The following EHBP1 variants were observed in gnomAD, a reference collection of about 807,000 sequenced individuals.
The protein encoded by EHBP1 is EH domain-binding protein 1.
In EHBP1, 55 loss-of-function variants were observed where a neutral mutation model predicts 144.0. That is an observed-to-expected ratio of 0.38 (90% confidence interval 0.31 to 0.48). The LOEUF is 0.48. EHBP1 is among the 20% of genes least tolerant of loss of function. The probability of loss-of-function intolerance (pLI) is 0.98; values close to 1 mark genes in which losing one functional copy is unlikely to be tolerated. For missense variants in EHBP1, 1,200 were observed against 1,364.2 expected, an observed-to-expected ratio of 0.88 and a Z score of 1.90; for synonymous variants, 469 against 472.7, an observed-to-expected ratio of 0.99 and a Z score of 0.10.
intron 10 of EHBP1, among the ~76,000 whole-genome samples, chr2:62,921,019 G>T (rs2055036476): frequency 6.6e-6 from 1 of 152,204 alleles, no homozygotes; most frequent in African/African-American, 2.4e-5. Context: ...TGGATAAACA[G>T]TGTGTAAAGA....
chr2:62,729,315 ATATT>A (rs1479731915), intron 2 of EHBP1, among the ~76,000 whole-genome samples: 2 of 130,138 alleles, frequency 1.5e-5, no homozygotes, highest in African/African-American at 5.8e-5. Flanking sequence ...ATATAATATA[ATATT>A]TATAATATAA....
chr2:62,973,673 C>A (rs986181654), intron 14 of EHBP1, among the ~76,000 whole-genome samples: 1 of 152,188 alleles, frequency 6.6e-6, no homozygotes, highest in East Asian at 1.9e-4. Context: ...CCTGTAATTT[C>A]TTTTATTCCT....
rs2058425606 is a variant in EHBP1, at chr2:62,970,048, G to T, written c.2461-9140G>T. 2.0e-5 allele frequency among the ~76,000 whole-genome samples: 3 copies of T among 150,906 alleles called. No individual in the cohort carries two copies. The South Asian group carries it at 6.3e-4, about 32-fold the overall frequency. ...ATTCTATCTTTCATAGTAAGTGAGTGGGCACACTTTGGTAATCCTTGCCTC... is the reference window on the plus strand; with the variant it reads ...ATTCTATCTTTCATAGTAAGTGAGTTGGCACACTTTGGTAATCCTTGCCTC... On this transcript the variant is annotated intron_variant, in intron 14 of 22. Coordinates refer to ENST00000431489, the MANE Select transcript of EHBP1 (RefSeq NM_001142616.3).
intron 10 of EHBP1, among the ~76,000 whole-genome samples, chr2:62,900,703 T>TATATATATATATATATATA (rs1558881616): frequency 2.7e-5 from 4 of 150,554 alleles, no homozygotes; most frequent in African/African-American, 7.4e-5. Context: ...TATATATATA[T>TATATATATATATATATATA]TTTCTTTCTC....
intron 19 of EHBP1, among the ~76,000 whole-genome samples, chr2:63,029,605 TACA>T (rs2061143143): frequency 6.6e-6 from 1 of 152,076 alleles, no homozygotes; most frequent in African/African-American, 2.4e-5. Context: ...TCTCAATTCT[TACA>T]ACAATCGTGA....
intron 2 of EHBP1, among the ~76,000 whole-genome samples, chr2:62,724,478 G>A (rs2036548796): frequency 6.6e-6 from 1 of 152,202 alleles, no homozygotes; most frequent in Non-Finnish European, 1.5e-5. Flanking sequence ...TGTCACTTCA[G>A]CCATCTCGGC....
At chr2:62,981,367 A>T (rs542450409) in intron 15 of EHBP1, among the ~76,000 whole-genome samples, 1 of 152,298 alleles carries the variant, frequency 6.6e-6, no homozygotes, top group Non-Finnish European at 1.5e-5. Flanking sequence ...TATGCTCCAG[A>T]TAGGCTTCCT....
intron 14 of EHBP1, among the ~76,000 whole-genome samples, chr2:62,970,300 G>C (rs763655295): frequency 6.6e-5 from 10 of 151,886 alleles, no homozygotes; most frequent in Non-Finnish European, 1.2e-4. Flanking sequence ...AATTTATTTA[G>C]CTCAATTAAT....
At chr2:62,678,870 T>C (rs925576965) in intron 1 of EHBP1, among the ~76,000 whole-genome samples, 2 of 152,190 alleles carry the variant, frequency 1.3e-5, no homozygotes, top group Non-Finnish European at 2.9e-5. Flanking sequence ...ACCCATTTCT[T>C]ACTCAGAATT....
At chr2:62,761,960 G>A (rs2040804378) in intron 3 of EHBP1, among the ~76,000 whole-genome samples, 2 of 151,970 alleles carry the variant, frequency 1.3e-5, no homozygotes, top group South Asian at 4.2e-4. Context: ...TTCCAGTCAG[G>A]TCTTTGTTCT....
intron 10 of EHBP1, among the ~76,000 whole-genome samples, chr2:62,902,298 G>A (rs571431032): frequency 6.6e-6 from 1 of 152,196 alleles, no homozygotes; most frequent in East Asian, 1.9e-4. Context: ...GAGGATTGTT[G>A]ATGCACTAGT....
intron 2 of EHBP1, among the ~76,000 whole-genome samples, chr2:62,708,483 A>G (rs1214438729): frequency 6.6e-6 from 1 of 152,238 alleles, no homozygotes; most frequent in Non-Finnish European, 1.5e-5. Context: ...ACAGTTGAGT[A>G]TCTTTGAGGA....
At chr2:62,950,011 C>T (rs1245033032) in intron 13 of EHBP1, among the ~76,000 whole-genome samples, 1 of 151,908 alleles carries the variant, frequency 6.6e-6, no homozygotes, top group Admixed American at 6.6e-5. Context: ...AGATAACACT[C>T]GTGTATATAT....
intron 14 of EHBP1, among the ~76,000 whole-genome samples, chr2:62,957,406 G>C (rs1197924633): frequency 1.3e-5 from 2 of 152,142 alleles, no homozygotes; most frequent in East Asian, 3.9e-4. Flanking sequence ...ATACTTAATT[G>C]TGAAATATTG....
At chr2:62,832,077 G>GT (rs1427313109) in intron 7 of EHBP1, among the ~76,000 whole-genome samples, 2 of 152,074 alleles carry the variant, frequency 1.3e-5, no homozygotes, top group Non-Finnish European at 2.9e-5. Flanking sequence ...AAAATTAGAT[G>GT]TTTTTTCATG....
At chr2:63,033,261 T>A (rs182245916) in intron 19 of EHBP1, among the ~76,000 whole-genome samples, 1 of 152,344 alleles carries the variant, frequency 6.6e-6, no homozygotes, top group East Asian at 1.9e-4. Context: ...CATATTCTTA[T>A]AATCACCATC....
intron 2 of EHBP1, among the ~76,000 whole-genome samples, chr2:62,738,744 G>A (rs1378201867): frequency 2.6e-5 from 4 of 152,012 alleles, no homozygotes; most frequent in African/African-American, 9.7e-5. Flanking sequence ...TTCCAACTCT[G>A]CATTTTTTGC....
intron 5 of EHBP1, among the ~76,000 whole-genome samples, chr2:62,819,237 T>G (rs2045691447): frequency 6.6e-6 from 1 of 152,264 alleles, no homozygotes; most frequent in South Asian, 2.1e-4. Context: ...TCATAAGAGA[T>G]TAAAGTTTAA....
Position 62,817,056 on chromosome 2 carries a change from A to G in EHBP1, c.313-9031A>G, listed in dbSNP as rs571958388. ...AAATCTTGAACAGAAGAAACTAATG[A>G]TGTAAAGGTACTTCAAAGTGTTGTA... is the stretch of plus-strand genomic sequence containing the variant. On this transcript the variant is annotated intron_variant, in intron 5 of 22. Transcript: ENST00000431489. Among the ~76,000 whole-genome samples, 11 of 152,306 alleles carry G rather than the reference A, an allele frequency of 7.2e-5. No individual in the cohort carries two copies. In the South Asian group the frequency reaches 2.3e-3, roughly 32 times the overall value.
Sources: allele counts gnomAD v4.1 joint callset (sites outside exome capture counted in the v4.1 genomes callset), GRCh38; gene constraint gnomAD v4.1.1; transcripts MANE v1.5; gene names NCBI Gene and HGNC (gene_info 2026-07-23, HGNC 2026-07-21).